The following DNAJC5B variants were observed in gnomAD, a reference collection of about 807,000 sequenced individuals.
DNAJC5B encodes DnaJ heat shock protein family (Hsp40) member C5 beta, also known as dnaJ homolog subfamily C member 5B.
DNAJC5B carries 23 observed loss-of-function variants against 24.7 expected under a neutral mutation model. The ratio of observed to expected loss-of-function variants is 0.93; its 90% CI spans 0.67 to 1.32. The LOEUF (loss-of-function observed/expected upper bound fraction) is 1.32, where lower values mean the gene tolerates loss of function less well. DNAJC5B is among the 40% of genes most tolerant of loss of function. DNAJC5B has a pLI of 0.00. For synonymous variants in DNAJC5B, 101 were observed against 90.1 expected (o/e 1.12, Z -0.68); for missense variants, 238 against 240.8 (o/e 0.99, Z 0.08).
chr8:66,062,623 A>G (rs1271781219), intron 3 of DNAJC5B, among the ~76,000 whole-genome samples: 2 of 152,212 alleles, frequency 1.3e-5, no homozygotes, highest in Non-Finnish European at 2.9e-5. Context: ...TGGGTAAGAA[A>G]TCATGCAAAG....
At position 66,051,558 on chromosome 8, in the gene DNAJC5B, A is replaced by G; in HGVS notation, c.11A>G (p.Asn4Ser). The change falls in exon 3 of 6, where the codon AAC (asparagine) becomes AGC (serine). Residue 4 changes from asparagine to serine, a missense_variant. Physicochemically the swap from Asn to Ser is conservative, Grantham distance 46. Transcript: ENST00000276570. MACNIPNQRQRTLS... is the reference protein window; with the variant it reads MACSIPNQRQRTLS... ...TTGCAGCCTTAGAAAATGGCATGTA[A>G]CATACCTAACCAAAGACAGCGGACT... 2 of 1,613,812 alleles carry G rather than the reference A, an allele frequency of 1.2e-6. No individual in the cohort carries two copies. The highest frequency in any genetic ancestry group is 1.7e-6 in the Non-Finnish European group (2 of 1,179,864).
intron 5 of DNAJC5B, among the ~76,000 whole-genome samples, 180 bp downstream of exon 5, chr8:66,080,728 C>G (rs951407088): frequency 4.6e-5 from 7 of 152,090 alleles, no homozygotes; most frequent in African/African-American, 1.7e-4. Flanking sequence ...ATACCTTTAC[C>G]AGGCATAGAG....
intron 5 of DNAJC5B, among the ~76,000 whole-genome samples, chr8:66,097,202 C>CTTT (rs201374510): frequency 1.2e-3 from 171 of 139,336 alleles, no homozygotes; most frequent in Admixed American, 3.4e-3. Flanking sequence ...TTTCCTGTTT[C>CTTT]TTTTTTTTTT....
upstream of DNAJC5B, among the ~76,000 whole-genome samples, chr8:66,019,599 A>T (rs886862326): frequency 2.6e-5 from 4 of 152,254 alleles, no homozygotes; most frequent in African/African-American, 9.6e-5. Flanking sequence ...TTAATAATAA[A>T]AAATACCTTT....
intron 5 of DNAJC5B, among the ~76,000 whole-genome samples, chr8:66,092,346 C>T (rs191478712): frequency 6.6e-5 from 10 of 152,236 alleles, no homozygotes; most frequent in South Asian, 2.1e-4. Context: ...TTAACATCCA[C>T]GAAAAGGGAC....
intron 1 of DNAJC5B, among the ~76,000 whole-genome samples, chr8:66,034,038 C>T (rs150649161): frequency 1.6e-3 from 236 of 151,278 alleles, no homozygotes; most frequent in Middle Eastern, 0.01. Flanking sequence ...CATGAAACCC[C>T]TCTGAGCCTC....
intron 1 of DNAJC5B, among the ~76,000 whole-genome samples, chr8:66,035,782 A>T (rs1437889677): frequency 2.6e-5 from 4 of 152,194 alleles, no homozygotes; most frequent in Non-Finnish European, 4.4e-5. Context: ...CAACCCTGTC[A>T]CAGCCTCATG....
chr8:66,050,003 A>G (rs961176255), intron 2 of DNAJC5B, among the ~76,000 whole-genome samples: 1 of 152,232 alleles, frequency 6.6e-6, no homozygotes, highest in Non-Finnish European at 1.5e-5. Flanking sequence ...AAAATCGATA[A>G]AGCAGACATA....
chr8:66,073,418 A>G (rs1807393313), intron 3 of DNAJC5B, among the ~76,000 whole-genome samples: 1 of 152,114 alleles, frequency 6.6e-6, no homozygotes, highest in African/African-American at 2.4e-5. Context: ...CAATCTCCAA[A>G]TTAATCTATA....
chr8:66,058,767 G>A (rs1371595713), intron 3 of DNAJC5B, among the ~76,000 whole-genome samples: 3 of 152,170 alleles, frequency 2.0e-5, no homozygotes, highest in African/African-American at 4.8e-5. Context: ...TCATTAGTCA[G>A]CTGATAAAAT....
chr8:66,044,691 A>G (rs571848684), intron 2 of DNAJC5B, among the ~76,000 whole-genome samples: 2 of 152,302 alleles, frequency 1.3e-5, no homozygotes, highest in South Asian at 4.1e-4. Context: ...TTGTAATATT[A>G]ATGGCTTTGT....
At chr8:66,072,193 T>C (rs1277405139) in intron 3 of DNAJC5B, among the ~76,000 whole-genome samples, 1 of 152,122 alleles carries the variant, frequency 6.6e-6, no homozygotes, top group Non-Finnish European at 1.5e-5. Flanking sequence ...GAACTTAAAG[T>C]ATAATAAAAA....
At chr8:66,042,591 TTCTTCC>T (rs1157633811) in intron 1 of DNAJC5B, among the ~76,000 whole-genome samples, 1 of 122,876 alleles carries the variant, frequency 8.1e-6, no homozygotes, top group South Asian at 2.5e-4. Context: ...TTTCTTCTTC[TTCTTCC>T]TCTTCTTCTT....
chr8:66,067,576 A>G (rs1807248646), intron 3 of DNAJC5B, among the ~76,000 whole-genome samples: 1 of 152,156 alleles, frequency 6.6e-6, no homozygotes, highest in South Asian at 2.1e-4. Context: ...CTGTGCCTAA[A>G]TATTAAAAAG....
chr8:66,034,098 G>T (rs1469321068), intron 1 of DNAJC5B, among the ~76,000 whole-genome samples: 1 of 151,962 alleles, frequency 6.6e-6, no homozygotes, highest in Non-Finnish European at 1.5e-5. Flanking sequence ...CTGCCTACCT[G>T]TCCCAGGTGT....
intron 2 of DNAJC5B, among the ~76,000 whole-genome samples, chr8:66,044,070 G>T (rs751437952): frequency 6.6e-6 from 1 of 152,106 alleles, no homozygotes. Flanking sequence ...TGATCTACCC[G>T]CATTGGCCTC....
At chr8:66,031,012 G>A (rs1806349769) in intron 1 of DNAJC5B, among the ~76,000 whole-genome samples, 1 of 152,202 alleles carries the variant, frequency 6.6e-6, no homozygotes, top group South Asian at 2.1e-4. Context: ...TTATGCTCGT[G>A]AGAGCCCCTC....
chr8:66,066,431 T>C (rs186657095), intron 3 of DNAJC5B, among the ~76,000 whole-genome samples: 205 of 152,350 alleles, frequency 1.3e-3, no homozygotes, highest in African/African-American at 4.7e-3. Context: ...TGTTCATACA[T>C]GTACTTATTG....
At chr8:66,090,331 A>T (rs1360024253) in intron 5 of DNAJC5B, among the ~76,000 whole-genome samples, 1 of 151,648 alleles carries the variant, frequency 6.6e-6, no homozygotes, top group Non-Finnish European at 1.5e-5. Flanking sequence ...CCAAATCGGA[A>T]CCAGTTACCT....
Sources: gnomAD v4.1 joint callset for allele counts (sites outside exome capture counted in the v4.1 genomes callset) on GRCh38, gnomAD v4.1.1 for gene constraint, MANE v1.5 for transcripts, NCBI Gene and HGNC (gene_info 2026-07-23, HGNC 2026-07-21) for gene names.